GPC5: variants seen among roughly 807,000 people sequenced by gnomAD.
GPC5 encodes glypican 5.
Under a neutral mutation model 53.9 loss-of-function variants are expected in GPC5, and 47 were observed. The ratio of observed to expected loss-of-function variants is 0.87; its 90% CI spans 0.69 to 1.11. The LOEUF (loss-of-function observed/expected upper bound fraction) is 1.11. GPC5 is among the 50% of genes most tolerant of loss of function. The pLI, the probability that GPC5 is intolerant of heterozygous loss-of-function variation, is 0.00. For synonymous variants in GPC5, 286 were observed against 263.3 expected, an observed-to-expected ratio of 1.09 and a Z score of -0.84; for missense variants, 748 against 713.1, an observed-to-expected ratio of 1.05 and a Z score of -0.56.
intron 3 of GPC5, among the ~76,000 whole-genome samples, chr13:91,705,883 CT>C (rs11411010): frequency 0.022 from 3,009 of 134,150 alleles, 75 homozygotes; most frequent in African/African-American, 0.076. Context: ...TCTTTCTTTT[CT>C]TTTTTTTTTT....
chr13:91,861,761 C>T (rs7981774), intron 5 of GPC5, among the ~76,000 whole-genome samples: 28,183 of 107,628 alleles, frequency 0.26, 3,320 homozygotes, highest in East Asian at 0.55. Flanking sequence ...TCTTGTTTCT[C>T]TTCTCTTATT....
chr13:91,417,482 G>A (rs2138969454), intron 1 of GPC5, among the ~76,000 whole-genome samples: 1 of 152,282 alleles, frequency 6.6e-6, no homozygotes, highest in Admixed American at 6.5e-5. Flanking sequence ...AGCTTTGCAG[G>A]CAGAATATGT....
intron 2 of GPC5, among the ~76,000 whole-genome samples, chr13:91,614,765 T>C (rs2033650422): frequency 1.3e-5 from 2 of 152,186 alleles, no homozygotes; most frequent in African/African-American, 4.8e-5. Context: ...AGGGCGATCA[T>C]GAAGCTTTCA....
chr13:91,932,676 T>C (rs2039832867), intron 6 of GPC5, among the ~76,000 whole-genome samples: 1 of 151,970 alleles, frequency 6.6e-6, no homozygotes, highest in African/African-American at 2.4e-5. Context: ...TTCCGAGGAT[T>C]GTTGCCTCCA....
chr13:91,646,873 A>G (rs1227835015), intron 2 of GPC5, among the ~76,000 whole-genome samples: 2 of 152,192 alleles, frequency 1.3e-5, no homozygotes, highest in African/African-American at 2.4e-5. Context: ...GATGTATGTA[A>G]AAGTGGAGAA....
At chr13:92,760,432 T>G (rs543489955) in intron 7 of GPC5, among the ~76,000 whole-genome samples, 1 of 152,220 alleles carries the variant, frequency 6.6e-6, no homozygotes, top group African/African-American at 2.4e-5. Flanking sequence ...ATTTGTTCAT[T>G]TCATCTAGGT....
At chr13:91,563,383 A>T (rs927774077) in intron 2 of GPC5, among the ~76,000 whole-genome samples, 11 of 152,188 alleles carry the variant, frequency 7.2e-5, no homozygotes, top group African/African-American at 2.4e-4. Flanking sequence ...ATTAAAAAAA[A>T]TTCTGAATCA....
At chr13:92,397,215 A>G (rs1399040275) in intron 7 of GPC5, among the ~76,000 whole-genome samples, 3 of 152,152 alleles carry the variant, frequency 2.0e-5, no homozygotes. Context: ...TATAGTCCCG[A>G]TCATTCCCAC....
At chr13:92,091,158 T>C (rs1400589419) in intron 6 of GPC5, among the ~76,000 whole-genome samples, 1 of 152,166 alleles carries the variant, frequency 6.6e-6, no homozygotes, top group East Asian at 1.9e-4. Context: ...CATGACAATA[T>C]AAAAATTTTA....
chr13:92,846,583 T>C (rs930900036), intron 7 of GPC5, among the ~76,000 whole-genome samples: 2 of 152,178 alleles, frequency 1.3e-5, no homozygotes, highest in African/African-American at 4.8e-5. Context: ...ACATCCCAGA[T>C]CTTGCCAGAT....
intron 1 of GPC5, among the ~76,000 whole-genome samples, chr13:91,399,724 G>C (rs1876781707): frequency 6.6e-6 from 1 of 152,270 alleles, no homozygotes. Context: ...TTAGGACTTG[G>C]ACCCTGTGCA....
At chr13:92,242,739 A>G (rs1423835186) in intron 7 of GPC5, among the ~76,000 whole-genome samples, 3 of 152,186 alleles carry the variant, frequency 2.0e-5, no homozygotes, top group Non-Finnish European at 4.4e-5. Flanking sequence ...CATGCATCAT[A>G]TACAAAAATT....
At chr13:91,629,059 G>T (rs949198151) in intron 2 of GPC5, among the ~76,000 whole-genome samples, 1 of 152,108 alleles carries the variant, frequency 6.6e-6, no homozygotes, top group East Asian at 1.9e-4. Flanking sequence ...GATTTCTCTG[G>T]CTTCTGCCAC....
chr13:92,083,767 C>T (rs896833626), intron 6 of GPC5, among the ~76,000 whole-genome samples: 1 of 152,124 alleles, frequency 6.6e-6, no homozygotes, highest in African/African-American at 2.4e-5. Context: ...CACTGTCTTC[C>T]ACAATGGTTG....
At chr13:91,482,671 C>T (rs976049668) in intron 2 of GPC5, among the ~76,000 whole-genome samples, 2 of 152,154 alleles carry the variant, frequency 1.3e-5, no homozygotes, top group African/African-American at 4.8e-5. Context: ...ATGTCATCGC[C>T]GTGGGAGGCT....
chr13:91,629,928 T>G (rs2034112736), intron 2 of GPC5, among the ~76,000 whole-genome samples: 1 of 152,138 alleles, frequency 6.6e-6, no homozygotes, highest in South Asian at 2.1e-4. Context: ...GGCTGGGATG[T>G]ATGTTTTTAG....
At position 92,253,906 on chromosome 13, in the gene GPC5, A is replaced by C. The variant is rs549096888; in HGVS notation, c.1561+108917A>C. ...GGATAGTTTGAAGAGGATTTGTTAC[A>C]AAATGATTACTGGAATGTCTATAGA... On this transcript the variant is annotated intron_variant, in intron 7 of 7. Transcript: ENST00000377067. Among the ~76,000 whole-genome samples the C allele has an allele frequency of 4.0e-4, 61 of 152,228 alleles. 1 individual carries two copies. The South Asian group carries it at 0.012, about 30-fold the overall frequency.
chr13:92,641,843 T>C (rs1315576484), intron 7 of GPC5, among the ~76,000 whole-genome samples: 1 of 151,984 alleles, frequency 6.6e-6, no homozygotes, highest in East Asian at 1.9e-4. Flanking sequence ...AGAAAGGGAG[T>C]GGTAGGCATG....
intron 2 of GPC5, among the ~76,000 whole-genome samples, chr13:91,611,689 G>A (rs2033554200): frequency 6.6e-6 from 1 of 152,066 alleles, no homozygotes; most frequent in Non-Finnish European, 1.5e-5. Flanking sequence ...TACCAGTTCT[G>A]CTAATTCCCC....
Sources: allele counts gnomAD v4.1 joint callset (sites outside exome capture counted in the v4.1 genomes callset), GRCh38; gene constraint gnomAD v4.1.1; transcripts MANE v1.5; gene names NCBI Gene and HGNC (gene_info 2026-07-23, HGNC 2026-07-21).